Variants in UGT1A8 observed in about 807,000 individuals in gnomAD.
UGT1A8 encodes the protein UDP-glucuronosyltransferase 1A8.
UGT1A8 carries 39 observed loss-of-function variants against 45.3 expected under a neutral mutation model. The ratio of observed to expected loss-of-function variants is 0.86; its 90% CI spans 0.67 to 1.12. UGT1A8 has a LOEUF of 1.12. Among genes scored for constraint, UGT1A8 ranks in the 50% most tolerant of loss-of-function variants. The pLI, the probability that UGT1A8 is intolerant of heterozygous loss-of-function variation, is 0.00. For synonymous variants in UGT1A8, 275 were observed against 249.2 expected, an observed-to-expected ratio of 1.10 and a Z score of -0.97; for missense variants, 719 against 664.9, an observed-to-expected ratio of 1.08 and a Z score of -0.90.
intron 1 of UGT1A8, chr2:233,689,871 C>T (rs758683937): frequency 3.1e-5 from 14 of 456,438 alleles, no homozygotes; most frequent in Non-Finnish European, 5.7e-5. Context: ...TACCTTCTTG[C>T]TTATCAAGTG....
At chr2:233,767,732 C>T (rs1041419428) in intron 2 of UGT1A8, 117 bp from the exon 3 acceptor site, 2 of 1,564,690 alleles carry the variant, frequency 1.3e-6, no homozygotes, top group Admixed American at 1.9e-5. Flanking sequence ...ACTGATCCTC[C>T]CACTCTGTTA....
intron 1 of UGT1A8, chr2:233,648,946 T>C: frequency 6.3e-6 from 9 of 1,436,268 alleles, no homozygotes; most frequent in Non-Finnish European, 8.7e-6. Context: ...GGACTTTGTT[T>C]TGGAGTATCC....
chr2:233,686,700 C>T (rs1293372575), intron 1 of UGT1A8, among the ~76,000 whole-genome samples: 1 of 152,166 alleles, frequency 6.6e-6, no homozygotes, highest in Admixed American at 6.5e-5. Flanking sequence ...GCCCTCTGGC[C>T]TGCACCCTCC....
chr2:233,671,734 C>T, intron 1 of UGT1A8: 1 of 1,197,546 alleles, frequency 8.4e-7, no homozygotes, highest in Non-Finnish European at 1.1e-6. Context: ...GTCTGGAAAA[C>T]ATACAAATAG....
At chr2:233,632,738 T>G (rs1465822555) in intron 1 of UGT1A8, among the ~76,000 whole-genome samples, 4 of 152,146 alleles carry the variant, frequency 2.6e-5, no homozygotes, top group Non-Finnish European at 2.9e-5. Flanking sequence ...TGGACTGAGA[T>G]GATGGGGTTT....
At chr2:233,762,823 A>T (rs1219998858) in intron 1 of UGT1A8, among the ~76,000 whole-genome samples, 1 of 151,946 alleles carries the variant, frequency 6.6e-6, no homozygotes, top group East Asian at 1.9e-4. Context: ...ATTGATTTTC[A>T]TAATAAAAAA....
intron 1 of UGT1A8, among the ~76,000 whole-genome samples, chr2:233,715,827 T>C (rs1034549084): frequency 6.6e-6 from 1 of 152,092 alleles, no homozygotes; most frequent in African/African-American, 2.4e-5. Flanking sequence ...TTAGAAAACA[T>C]TTTTTTAAAA....
At chr2:233,757,560 A>ATATATATATATATG (rs904896556) in intron 1 of UGT1A8, among the ~76,000 whole-genome samples, 2 of 123,156 alleles carry the variant, frequency 1.6e-5, no homozygotes, top group African/African-American at 6.8e-5. Flanking sequence ...ATATATATAT[A>ATATATATATATATG]TGTATATATG....
chr2:233,721,025 C>T (rs945783424), intron 1 of UGT1A8, among the ~76,000 whole-genome samples: 6 of 152,028 alleles, frequency 3.9e-5, no homozygotes, highest in Non-Finnish European at 8.8e-5. Flanking sequence ...AGCCATCTTT[C>T]TTGTGAGAGA....
In UGT1A8 at chr2:233,636,478, T is replaced by C. The variant is rs566221932; in HGVS notation, c.855+17916T>C. The C allele has an allele frequency of 5.7e-6, 9 of 1,585,454 alleles. No individual in the cohort carries two copies. The East Asian group carries it at 1.8e-4, about 32-fold the overall frequency. Reference sequence around the variant, plus strand: ...TGTACTTCTTCCGCCTACTGTATCATAGCAGCTTAGAATCCCAGCTGCTGG... The same window carrying C: ...TGTACTTCTTCCGCCTACTGTATCACAGCAGCTTAGAATCCCAGCTGCTGG... On this transcript the variant is annotated intron_variant, in intron 1 of 4. Coordinates refer to ENST00000373450, the MANE Select transcript of UGT1A8 (RefSeq NM_019076.5).
At chr2:233,745,293 G>A (rs759714451) in intron 1 of UGT1A8, among the ~76,000 whole-genome samples, 20 of 151,866 alleles carry the variant, frequency 1.3e-4, no homozygotes, top group African/African-American at 4.4e-4. Flanking sequence ...GGGGATAAAC[G>A]TGGGATGCAG....
At chr2:233,717,422 G>T (rs1452030789) in intron 1 of UGT1A8, among the ~76,000 whole-genome samples, 2 of 152,202 alleles carry the variant, frequency 1.3e-5, no homozygotes, top group Non-Finnish European at 2.9e-5. Context: ...CTTGAGCTGG[G>T]TGTCCCTCTG....
intron 1 of UGT1A8, chr2:233,672,678 A>C: frequency 6.2e-7 from 1 of 1,613,898 alleles, no homozygotes; most frequent in African/African-American, 1.3e-5. Flanking sequence ...ACAGCCACAC[A>C]TCAATTTGGT....
At chr2:233,763,469 A>G (rs1698318094) in intron 1 of UGT1A8, among the ~76,000 whole-genome samples, 1 of 152,180 alleles carries the variant, frequency 6.6e-6, no homozygotes, top group South Asian at 2.1e-4. Flanking sequence ...CTAACAATTA[A>G]TAGATTTGAT....
At chr2:233,719,051 G>T in intron 1 of UGT1A8, 1 of 1,614,262 alleles carries the variant, frequency 6.2e-7, no homozygotes, top group Non-Finnish European at 8.5e-7. Context: ...TTTTCACCCT[G>T]ACAGCCTATG....
intron 1 of UGT1A8, among the ~76,000 whole-genome samples, chr2:233,640,559 A>T (rs1471108710): frequency 6.6e-6 from 1 of 152,206 alleles, no homozygotes; most frequent in Non-Finnish European, 1.5e-5. Flanking sequence ...AGAATTCAGA[A>T]ATAAACCCAT....
intron 1 of UGT1A8, among the ~76,000 whole-genome samples, chr2:233,668,549 A>C (rs1447696059): frequency 6.6e-6 from 1 of 152,236 alleles, no homozygotes; most frequent in Non-Finnish European, 1.5e-5. Flanking sequence ...ACCATGATTT[A>C]TAATCCTTTG....
chr2:233,733,128 G>A (rs1348090612), intron 1 of UGT1A8, among the ~76,000 whole-genome samples: 1 of 152,132 alleles, frequency 6.6e-6, no homozygotes, highest in East Asian at 1.9e-4. Flanking sequence ...TTGGTGTATA[G>A]GAATGCTTGT....
chr2:233,671,622 C>A (rs1049994118), intron 1 of UGT1A8, among the ~76,000 whole-genome samples: 1 of 152,202 alleles, frequency 6.6e-6, no homozygotes, highest in African/African-American at 2.4e-5. Context: ...TCTTTCTGAA[C>A]CTTCAAGGTC....
Sources: allele counts gnomAD v4.1 joint callset (sites outside exome capture counted in the v4.1 genomes callset), GRCh38; gene constraint gnomAD v4.1.1; transcripts MANE v1.5; gene names NCBI Gene and HGNC (gene_info 2026-07-23, HGNC 2026-07-21).